The following SCG3 variants were observed in gnomAD, a reference collection of about 807,000 sequenced individuals.
The protein encoded by SCG3 is secretogranin-3.
A neutral mutation model predicts 56.2 loss-of-function variants in SCG3; 38 were observed. The observed-to-expected ratio is 0.68, with a 90% CI of 0.52 to 0.89. SCG3 has a LOEUF of 0.89. SCG3 is among the 40% of genes least tolerant of loss of function. SCG3 has a pLI of 0.00. For missense variants in SCG3, 524 were observed against 540.7 expected, an observed-to-expected ratio of 0.97 and a Z score of 0.31; for synonymous variants, 176 against 184.2, an observed-to-expected ratio of 0.96 and a Z score of 0.36.
intron 11 of SCG3, chr15:51,715,240 G>C (rs2055446121): frequency 6.6e-6 from 1 of 152,184 alleles, no homozygotes; most frequent in African/African-American, 2.4e-5. Flanking sequence ...TGGGTTCGAT[G>C]CTCCCTTTTG....
chr15:51,713,297 C>G (rs367562759), intron 10 of SCG3, 36 bp from the exon 11 acceptor site: 16 of 1,345,154 alleles, frequency 1.2e-5, no homozygotes, highest in Non-Finnish European at 1.7e-5. Context: ...AGTGATATTT[C>G]CTGAGTGTTT....
At chr15:51,684,237 C>T (rs2141557078) in intron 4 of SCG3, among the ~76,000 whole-genome samples, 1 of 152,300 alleles carries the variant, frequency 6.6e-6, no homozygotes, top group South Asian at 2.1e-4. Flanking sequence ...AAACTCCAAT[C>T]CTTGTCCAAG....
At chr15:51,687,475 A>T (rs1191124486) in intron 4 of SCG3, among the ~76,000 whole-genome samples, 1 of 152,188 alleles carries the variant, frequency 6.6e-6, no homozygotes, top group Non-Finnish European at 1.5e-5. Context: ...TTCCCTCAGG[A>T]TGGGCCCTTA....
At chr15:51,704,262 T>TATATATATATATATATAC (rs2055358618) in intron 10 of SCG3, among the ~76,000 whole-genome samples, 1 of 135,030 alleles carries the variant, frequency 7.4e-6, no homozygotes, top group Non-Finnish European at 1.5e-5. Context: ...TATATATATA[T>TATATATATATATATATAC]ATATATATAT....
At chr15:51,708,577 C>T (rs534336741) in intron 10 of SCG3, among the ~76,000 whole-genome samples, 6 of 152,298 alleles carry the variant, frequency 3.9e-5, no homozygotes, top group African/African-American at 1.2e-4. Flanking sequence ...ACTGCCTTGC[C>T]GGGCGCGGAG....
At chr15:51,691,603 G>T (rs1253807605) in intron 6 of SCG3, among the ~76,000 whole-genome samples, 1 of 152,156 alleles carries the variant, frequency 6.6e-6, no homozygotes, top group Non-Finnish European at 1.5e-5. Context: ...TTTCTATCTA[G>T]TTCACTGAAT....
chr15:51,710,683 C>T (rs375296537), intron 10 of SCG3, among the ~76,000 whole-genome samples: 1 of 151,852 alleles, frequency 6.6e-6, no homozygotes, highest in Admixed American at 6.6e-5. Flanking sequence ...ACCTCCTGGG[C>T]TCAAGCAGTC....
At position 51,688,264 on chromosome 15, in the gene SCG3, T is replaced by G; in HGVS notation, c.402T>G (p.Asp134Glu). ...AGTTGTGGTCGTTCTGTCTAGATGA[T>G]CCAGATGGTCTTCATCAACTAGACG... Reference protein sequence around the residue: ...KSGLDHKFQDDPDGLHQLDGT... With the variant: ...KSGLDHKFQDEPDGLHQLDGT... The change falls in exon 5 of 12, where the codon GAT (aspartate) becomes GAG (glutamate). Residue 134 changes from aspartate to glutamate, a missense_variant. Physicochemically the swap from Asp to Glu is conservative, Grantham distance 45 (BLOSUM62 2). Coordinates refer to ENST00000220478, the MANE Select transcript of SCG3 (RefSeq NM_013243.4). 6.2e-7 allele frequency: 1 copy of G among 1,613,360 alleles called. No homozygotes were observed. Among genetic ancestry groups the G allele is most frequent in the Non-Finnish European group, 8.5e-7 (1 of 1,179,442 alleles).
At chr15:51,701,267 T>A (rs1212319952) in intron 10 of SCG3, 23 bp downstream of exon 10, 13 of 1,544,148 alleles carry the variant, frequency 8.4e-6, no homozygotes, top group Non-Finnish European at 1.1e-5. Context: ...CAGCTCTAGG[T>A]TAGCAATGAA....
At chr15:51,713,083 T>C in intron 10 of SCG3, 1 of 303,314 alleles carries the variant, frequency 3.3e-6, no homozygotes, top group Non-Finnish European at 6.1e-6. Context: ...GTGGGAATCA[T>C]GCCCCTTGAC....
chr15:51,692,573 CATTT>C lies in SCG3; in HGVS notation c.868+242_868+245del, dbSNP rs371770609. Among the ~76,000 whole-genome samples, 252 of 152,210 alleles carry C rather than the reference CATTT, an allele frequency of 1.7e-3. 1 individual carries two copies. Among genetic ancestry groups the C allele is most frequent in the African/African-American group, 6.0e-3 (248 of 41,520 alleles). ...TTAATCTTCTTGTTAACAGAAGGTTCATTTATTTGTTCAGCAAACAAATACTGAA... is the reference window on the plus strand; with the variant it reads ...TTAATCTTCTTGTTAACAGAAGGTTCATTTGTTCAGCAAACAAATACTGAA... On this transcript the variant is annotated intron_variant, in intron 7 of 11. Transcript: ENST00000220478.
At chr15:51,706,545 CA>C in intron 10 of SCG3, among the ~76,000 whole-genome samples, 1 of 152,258 alleles carries the variant, frequency 6.6e-6, no homozygotes, top group East Asian at 1.9e-4. Flanking sequence ...TAATTATAAG[CA>C]GAACACATTG....
chr15:51,706,726 C>T (rs887432574), intron 10 of SCG3, among the ~76,000 whole-genome samples: 2 of 151,914 alleles, frequency 1.3e-5, no homozygotes, highest in Admixed American at 6.6e-5. Flanking sequence ...TTATATCATG[C>T]TTCAGTTTAC....
chr15:51,718,757 A>T (rs2055476089), intron 11 of SCG3, among the ~76,000 whole-genome samples: 1 of 151,914 alleles, frequency 6.6e-6, no homozygotes, highest in Non-Finnish European at 1.5e-5. Context: ...TTTAAGGAGG[A>T]CAGAGGAACC....
chr15:51,699,292 T>A, intron 8 of SCG3, 27 bp from the exon 9 acceptor site: 1 of 1,533,834 alleles, frequency 6.5e-7, no homozygotes, highest in Non-Finnish European at 8.9e-7. Flanking sequence ...GGGAATAAAA[T>A]TAAATTTCTT....
chr15:51,689,317 T>G lies in SCG3; in HGVS notation c.639T>G (p.Asn213Lys), dbSNP rs555096648. ...KEANNYEEDP[N>K]KPTSWTENQA... ...CCAACAATTATGAGGAGGATCCCAA[T>G]AAGCCCACAAGCTGGACTGAGAATC... The change falls in exon 6 of 12, where the codon AAT becomes AAG. Residue 213 changes from asparagine (N) to lysine (K), a missense_variant. Transcript: ENST00000220478. The G allele has an allele frequency of 6.2e-7, 1 of 1,613,738 alleles. No individual in the cohort carries two copies. Among genetic ancestry groups the G allele is most frequent in the Admixed American group, 1.7e-5 (1 of 59,930 alleles).
At position 51,688,400 on chromosome 15, in the gene SCG3, C is replaced by T. The variant is rs199663742; in HGVS notation, c.538C>T (p.Leu180Phe). Reference protein sequence around the residue: ...KIVSKLLNLGLITESQAHTLE... With the variant: ...KIVSKLLNLGFITESQAHTLE... Reference sequence around the variant, plus strand: ...TGTTTCTAAACTACTTAATCTCGGCCTTGTAAGTCATTTGGTAGGAAATAA... The same window carrying T: ...TGTTTCTAAACTACTTAATCTCGGCTTTGTAAGTCATTTGGTAGGAAATAA... The change falls in exon 5 of 12, where the codon CTT (leucine) becomes TTT (phenylalanine). Residue 180 changes from leucine to phenylalanine, a missense_variant and splice_region_variant. Coordinates refer to ENST00000220478, the MANE Select transcript of SCG3 (RefSeq NM_013243.4). The T allele has an allele frequency of 8.8e-5, 142 of 1,612,548 alleles. No individual in the cohort carries two copies. Among genetic ancestry groups the T allele is most frequent in the Admixed American group, 6.3e-4 (38 of 59,904 alleles).
intron 4 of SCG3, among the ~76,000 whole-genome samples, chr15:51,685,539 C>T (rs900407123): frequency 6.6e-6 from 1 of 152,198 alleles, no homozygotes; most frequent in African/African-American, 2.4e-5. Context: ...ACAGAGAAGA[C>T]AGGCCAAGGT....
intron 7 of SCG3, 21 bp from the exon 8 acceptor site, chr15:51,695,854 T>C (rs1468821246): frequency 2.3e-6 from 3 of 1,312,418 alleles, no homozygotes; most frequent in Admixed American, 1.8e-5. Context: ...CAGTTTTAAG[T>C]TATTTTGTTC....
Sources: gnomAD v4.1 joint callset for allele counts (sites outside exome capture counted in the v4.1 genomes callset) on GRCh38, gnomAD v4.1.1 for gene constraint, MANE v1.5 for transcripts, NCBI Gene and HGNC (gene_info 2026-07-23, HGNC 2026-07-21) for gene names.